Variants in EFCAB8 observed in about 807,000 individuals in gnomAD.
EFCAB8 encodes the protein EF-hand calcium-binding domain-containing protein 8.
EFCAB8 carries 100 observed loss-of-function variants against 116.3 expected under a neutral mutation model. That is an observed-to-expected ratio of 0.86 (90% CI 0.73 to 1.02). The LOEUF (loss-of-function observed/expected upper bound fraction) is 1.02, where lower values mean the gene tolerates loss of function less well. EFCAB8 is among the 50% of genes least tolerant of loss of function. The pLI is 0.00. For synonymous variants in EFCAB8, 558 were observed against 567.9 expected, an observed-to-expected ratio of 0.98 and a Z score of 0.25; for missense variants, 1,320 against 1,416.9, an observed-to-expected ratio of 0.93 and a Z score of 1.10.
chr20:32,912,004 G>A lies in EFCAB8; in HGVS notation c.1785+297G>A, dbSNP rs75724411. On this transcript the variant is annotated intron_variant, in intron 16 of 26. Coordinates refer to ENST00000400522, the MANE Select transcript of EFCAB8 (RefSeq NM_001143967.2). ...GATTGCATTTCTAGCAGTGGGATCAGTTAATTCACAGCCACCCATGGTCAC... is the reference window on the plus strand; with the variant it reads ...GATTGCATTTCTAGCAGTGGGATCAATTAATTCACAGCCACCCATGGTCAC... Among the ~76,000 whole-genome samples the A allele has an allele frequency of 7.6e-3, 1,152 of 152,300 alleles. 5 individuals are homozygous for A. Among genetic ancestry groups the A allele is most frequent in the Admixed American group, 0.017 (262 of 15,308 alleles).
rs185659401 is a variant in EFCAB8 at position 32,895,805 on chromosome 20, A to G, written c.884-649A>G. Among the ~76,000 whole-genome samples, 81 of 152,032 alleles carry G rather than the reference A, an allele frequency of 5.3e-4. 1 individual carries two copies. Among genetic ancestry groups the G allele is most frequent in the African/African-American group, 1.9e-3 (77 of 41,470 alleles). On this transcript the variant is annotated intron_variant, in intron 9 of 26. Coordinates refer to ENST00000400522, the MANE Select transcript of EFCAB8 (RefSeq NM_001143967.2). ...AGGCTGGTCTTGAACTCCTGACCCC[A>G]GGTCATCTGCCCGTCTCGCCCTCCC...
chr20:32,877,307 C>G (rs1383702171), intron 4 of EFCAB8, among the ~76,000 whole-genome samples: 1 of 146,410 alleles, frequency 6.8e-6, no homozygotes, highest in Non-Finnish European at 1.5e-5. Context: ...CTCCCAGGTT[C>G]AAGTGATTCT....
chr20:32,895,709 T>A (rs192904428), intron 9 of EFCAB8, among the ~76,000 whole-genome samples: 2 of 151,958 alleles, frequency 1.3e-5, no homozygotes, highest in Non-Finnish European at 2.9e-5. Context: ...GTAGCTGTGA[T>A]TACAGGCACA....
chr20:32,945,925 A>G lies in EFCAB8; in HGVS notation c.2959+2121A>G, dbSNP rs1435784856. On this transcript the variant is annotated intron_variant, in intron 23 of 26. Transcript: ENST00000400522. ...CTATTTGCAGTACTGCAAGTTCTCT[A>G]GAGCGGCTACAAGCTTCCCCCAGGC... 3.3e-5 allele frequency among the ~76,000 whole-genome samples: 5 copies of G among 152,178 alleles called. No homozygotes were observed. The East Asian group carries it at 7.7e-4, about 23-fold the overall frequency.
At chr20:32,939,378 G>C (rs1191319098) in intron 22 of EFCAB8, among the ~76,000 whole-genome samples, 2 of 142,742 alleles carry the variant, frequency 1.4e-5, no homozygotes, top group African/African-American at 2.6e-5. Flanking sequence ...CGCCTCCCAG[G>C]TTCAAACGAT....
chr20:32,949,776 A>G (rs1692464280), intron 23 of EFCAB8, among the ~76,000 whole-genome samples: 1 of 152,258 alleles, frequency 6.6e-6, no homozygotes, highest in Admixed American at 6.5e-5. Flanking sequence ...AGGTGGGAAG[A>G]TCACTTGAGG....
intron 9 of EFCAB8, among the ~76,000 whole-genome samples, chr20:32,894,661 G>A (rs1273342921): frequency 1.3e-5 from 2 of 152,240 alleles, no homozygotes; most frequent in African/African-American, 2.4e-5. Context: ...GTGACCTGGA[G>A]CCAGTTGCTT....
intron 14 of EFCAB8, 90 bp from the exon 15 acceptor site, chr20:32,909,731 G>A (rs921951627): frequency 3.1e-5 from 18 of 587,182 alleles, no homozygotes; most frequent in Non-Finnish European, 4.7e-5. Context: ...TCTTGATGTC[G>A]TGATTTATTG....
chr20:32,908,441 T>C, intron 14 of EFCAB8, 29 bp downstream of exon 14: 2 of 1,249,598 alleles, frequency 1.6e-6, no homozygotes, highest in South Asian at 8.2e-5. Context: ...GGGAGTGGGG[T>C]CAAGGCCGCA....
rs926275136 is a variant in EFCAB8, at chr20:32,906,598, C to T, written c.1125C>T (p.Cys375=). The T allele has an allele frequency of 2.6e-5, 19 of 718,374 alleles. No homozygotes were observed. Among genetic ancestry groups the T allele is most frequent in the South Asian group, 1.3e-4 (9 of 67,604 alleles). The allele number at this position is 718,374 out of a possible 1,614,324, so 44.5% of individuals were successfully genotyped here. Residue 375 remains cysteine, a synonymous_variant, in exon 12 of 27, where the codon TGC becomes TGT. Transcript: ENST00000400522. ...SVLRLRKGIL[C]FDYCPDRNFL... is the part of the protein sequence containing the mutation. ...TGCGTTTAAGGAAAGGGATTCTTTG[C>T]TTTGATTACTGCCCAGACAGGAACT...
At chr20:32,954,836 TA>T (rs1988914502) in intron 23 of EFCAB8, among the ~76,000 whole-genome samples, 1 of 152,266 alleles carries the variant, frequency 6.6e-6, no homozygotes, top group Non-Finnish European at 1.5e-5. Flanking sequence ...TGTGGTAAAT[TA>T]CATTTTTTGA....
intron 1 of EFCAB8, among the ~76,000 whole-genome samples, chr20:32,859,767 C>T (rs1984007820): frequency 6.6e-6 from 1 of 152,096 alleles, no homozygotes; most frequent in South Asian, 2.1e-4. Context: ...GTGTACATTT[C>T]CTGAAACAAG....
chr20:32,888,636 G>T (rs1240538873), intron 6 of EFCAB8, among the ~76,000 whole-genome samples: 1 of 152,190 alleles, frequency 6.6e-6, no homozygotes, highest in African/African-American at 2.4e-5. Context: ...GATTACAGGC[G>T]TGAGCCACTG....
chr20:32,911,539 G>A lies in EFCAB8; in HGVS notation c.1617G>A (p.Lys539=), dbSNP rs750459617. The change falls in exon 16 of 27, where the codon AAG becomes AAA. Residue 539 remains lysine (K), a synonymous_variant. Transcript: ENST00000400522. ...TGTGGGAGGTCGTGACGGGCAGGAA[G>A]ACGATGGAGTTTGCTGTGTCTGGGG... ...VSVWEVVTGR[K]TMEFAVSGGQ... is the part of the protein sequence containing the mutation. 1.2e-5 allele frequency: 19 copies of A among 1,526,894 alleles called. No homozygotes were observed. Among genetic ancestry groups the A allele is most frequent in the Non-Finnish European group, 1.7e-5 (19 of 1,132,012 alleles). The allele number at this position is 1,526,894 out of a possible 1,614,324, so 94.6% of individuals were successfully genotyped here.
chr20:32,862,644 T>G (rs1350605415), intron 1 of EFCAB8, among the ~76,000 whole-genome samples: 1 of 152,136 alleles, frequency 6.6e-6, no homozygotes, highest in Non-Finnish European at 1.5e-5. Context: ...TTTATTTTTT[T>G]GGGACAGAGT....
intron 23 of EFCAB8, among the ~76,000 whole-genome samples, chr20:32,953,777 G>A (rs999610470): frequency 4.6e-5 from 7 of 152,026 alleles, no homozygotes; most frequent in South Asian, 2.1e-4. Flanking sequence ...TGTAGGCTTC[G>A]TTTTCATTGG....
At chr20:32,899,702 G>A (rs1043141153) in intron 11 of EFCAB8, among the ~76,000 whole-genome samples, 1 of 151,924 alleles carries the variant, frequency 6.6e-6, no homozygotes, top group African/African-American at 2.4e-5. Flanking sequence ...AGCCTCCCGA[G>A]TACCTGGGAT....
intron 8 of EFCAB8, among the ~76,000 whole-genome samples, chr20:32,892,925 C>G (rs1985987633): frequency 6.6e-6 from 1 of 151,648 alleles, no homozygotes; most frequent in East Asian, 1.9e-4. Context: ...ACTGCAGCCT[C>G]CACCTGCCGG....
At position 32,918,538 on chromosome 20, in the gene EFCAB8, G is replaced by C; in HGVS notation, c.2238G>C (p.Pro746=). 6.4e-7 allele frequency: 1 copy of C among 1,551,636 alleles called. No homozygotes were observed. Among genetic ancestry groups the C allele is most frequent in the Non-Finnish European group, 8.7e-7 (1 of 1,146,980 alleles). ...LVSAPPVMRC[P]RDKEPDRPVP... ...CGGCTCCCCCAGTGATGCGGTGCCCGAGAGACAAGGAGCCAGACAGGCCTG... is the reference window on the plus strand; with the variant it reads ...CGGCTCCCCCAGTGATGCGGTGCCCCAGAGACAAGGAGCCAGACAGGCCTG... The change falls in exon 19 of 27, where the codon CCG becomes CCC. Residue 746 remains proline, a synonymous_variant. Coordinates refer to ENST00000400522, the MANE Select transcript of EFCAB8 (RefSeq NM_001143967.2).
Sources: gnomAD v4.1 joint callset for allele counts (sites outside exome capture counted in the v4.1 genomes callset) on GRCh38, gnomAD v4.1.1 for gene constraint, MANE v1.5 for transcripts, NCBI Gene and HGNC (gene_info 2026-07-23, HGNC 2026-07-21) for gene names.